SLIT3: variants seen among roughly 807,000 people sequenced by gnomAD.
SLIT3 encodes the protein slit guidance ligand 3.
Under a neutral mutation model 184.0 loss-of-function variants are expected in SLIT3, and 68 were observed. That is an observed-to-expected ratio of 0.37 (90% confidence interval 0.30 to 0.45). The LOEUF is 0.45. Ranked by LOEUF, SLIT3 falls within the 20% of genes least tolerant of loss-of-function variation. SLIT3 has a pLI of 1.00. For missense variants in SLIT3, 1,707 were observed against 2,026.0 expected (o/e 0.84, Z 3.02); for synonymous variants, 831 against 828.6 (o/e 1.00, Z -0.05).
intron 1 of SLIT3, among the ~76,000 whole-genome samples, chr5:169,264,275 C>A (rs888673670): frequency 6.6e-6 from 1 of 152,104 alleles, no homozygotes; most frequent in African/African-American, 2.4e-5. Flanking sequence ...CTCACTGCAA[C>A]CTCCACCTCC....
At chr5:168,744,109 G>A (rs538295048) in intron 20 of SLIT3, among the ~76,000 whole-genome samples, 20 of 152,304 alleles carry the variant, frequency 1.3e-4, no homozygotes, top group Non-Finnish European at 1.9e-4. Flanking sequence ...CTAACATGGT[G>A]TAACCCTGTC....
intron 21 of SLIT3, 94 bp downstream of exon 21, chr5:168,724,322 C>G: frequency 1.1e-6 from 1 of 931,560 alleles, no homozygotes; most frequent in South Asian, 1.9e-5. Context: ...CTTGCATCAG[C>G]CTGCAGCTCT....
chr5:168,971,901 CG>C (rs142503341), intron 4 of SLIT3, among the ~76,000 whole-genome samples: 61 of 152,296 alleles, frequency 4.0e-4, no homozygotes, highest in African/African-American at 1.4e-3. Flanking sequence ...GAGGCTACCT[CG>C]GGGAGCGAGA....
intron 4 of SLIT3, among the ~76,000 whole-genome samples, chr5:168,915,047 A>C (rs1005222463): frequency 1.3e-5 from 2 of 152,210 alleles, no homozygotes; most frequent in African/African-American, 2.4e-5. Context: ...GCAATACGTA[A>C]TCTGTCAAAA....
At chr5:169,244,949 G>A (rs887288546) in intron 2 of SLIT3, among the ~76,000 whole-genome samples, 173 bp from the exon 3 acceptor site, 8 of 152,172 alleles carry the variant, frequency 5.3e-5, no homozygotes, top group South Asian at 4.1e-4. Flanking sequence ...TTGGTGTCAC[G>A]GTAACCAGGG....
At chr5:168,967,540 C>T (rs1235051914) in intron 4 of SLIT3, among the ~76,000 whole-genome samples, 10 of 132,476 alleles carry the variant, frequency 7.5e-5, no homozygotes, top group Non-Finnish European at 1.5e-4. Flanking sequence ...CCCGGGTTCA[C>T]GCCATTCTCC....
intron 4 of SLIT3, among the ~76,000 whole-genome samples, chr5:168,986,206 A>G (rs78927776): frequency 0.036 from 5,469 of 152,232 alleles, 159 homozygotes; most frequent in African/African-American, 0.083. Context: ...ACAGTGCTAG[A>G]TGCTAAGTAG....
In SLIT3 at chr5:168,858,464, C is replaced by A; in HGVS notation, c.486-13809G>T. Among the ~76,000 whole-genome samples, 2 of 152,206 alleles carry A rather than the reference C, an allele frequency of 1.3e-5. 1 individual carries two copies. Among genetic ancestry groups the A allele is most frequent in the African/African-American group, 4.8e-5 (2 of 41,446 alleles). On this transcript the variant is annotated intron_variant, in intron 5 of 35. Transcript: ENST00000519560. ...AGCCTTGGTTTGGGGAAAGTAAGGTCCTTTCAAGTGAGACTTAGGGGGAAA... is the reference window on the plus strand; with the variant it reads ...AGCCTTGGTTTGGGGAAAGTAAGGTACTTTCAAGTGAGACTTAGGGGGAAA...
At chr5:168,954,013 T>C (rs1382760152) in intron 4 of SLIT3, among the ~76,000 whole-genome samples, 1 of 150,994 alleles carries the variant, frequency 6.6e-6, no homozygotes, top group Non-Finnish European at 1.5e-5. Flanking sequence ...AACTGAGACA[T>C]TTTACTTCAA....
chr5:168,977,495 C>T (rs975599417), intron 4 of SLIT3, among the ~76,000 whole-genome samples: 1 of 152,152 alleles, frequency 6.6e-6, no homozygotes, highest in African/African-American at 2.4e-5. Flanking sequence ...TCCAGATGCC[C>T]TACCTTGCTC....
chr5:169,229,772 A>T (rs1160366419), intron 3 of SLIT3, among the ~76,000 whole-genome samples: 1 of 152,124 alleles, frequency 6.6e-6, no homozygotes, highest in African/African-American at 2.4e-5. Flanking sequence ...CACTTCATAT[A>T]GGTAATCTCA....
At chr5:168,914,625 C>T (rs777007778) in intron 4 of SLIT3, among the ~76,000 whole-genome samples, 7 of 152,212 alleles carry the variant, frequency 4.6e-5, no homozygotes, top group Non-Finnish European at 8.8e-5. Context: ...CCACCATCAG[C>T]CAGTCCCTTC....
At chr5:168,884,427 T>TCACACACACACACA (rs59573859) in intron 4 of SLIT3, among the ~76,000 whole-genome samples, 1 of 144,262 alleles carries the variant, frequency 6.9e-6, no homozygotes, top group African/African-American at 2.6e-5. Flanking sequence ...TCTCTCTCTC[T>TCACACACACACACA]CACACACACA....
At chr5:168,944,486 C>T (rs1385710787) in intron 4 of SLIT3, among the ~76,000 whole-genome samples, 1 of 152,200 alleles carries the variant, frequency 6.6e-6, no homozygotes, top group African/African-American at 2.4e-5. Flanking sequence ...AATTTTGCAG[C>T]TGCTTGGGCA....
chr5:169,093,418 T>C (rs1237188704), intron 4 of SLIT3, among the ~76,000 whole-genome samples: 1 of 142,200 alleles, frequency 7.0e-6, no homozygotes, highest in African/African-American at 2.5e-5. Context: ...ATTCTTTCTA[T>C]CAATTTAACT....
intron 3 of SLIT3, among the ~76,000 whole-genome samples, chr5:169,196,370 C>T (rs944291790): frequency 2.0e-5 from 3 of 152,132 alleles, no homozygotes; most frequent in Admixed American, 1.3e-4. Flanking sequence ...AGCTATCTAG[C>T]CCTTTGGACC....
At chr5:168,731,315 C>A (rs1239089955) in intron 20 of SLIT3, among the ~76,000 whole-genome samples, 2 of 151,774 alleles carry the variant, frequency 1.3e-5, no homozygotes, top group African/African-American at 2.4e-5. Context: ...CCCTAAACTG[C>A]CACCAAAAAG....
chr5:168,729,162 T>C (rs1763221650), intron 20 of SLIT3, among the ~76,000 whole-genome samples: 1 of 151,978 alleles, frequency 6.6e-6, no homozygotes, highest in African/African-American at 2.4e-5. Flanking sequence ...GTGACCAAAC[T>C]TATGAATTGT....
chr5:168,773,114 G>C (rs1001280698), intron 13 of SLIT3, among the ~76,000 whole-genome samples, 170 bp from the exon 14 acceptor site: 2 of 152,132 alleles, frequency 1.3e-5, no homozygotes, highest in Admixed American at 1.3e-4. Flanking sequence ...TCAAAGAGGG[G>C]GTCTGAGGCC....
Sources: allele counts gnomAD v4.1 joint callset (sites outside exome capture counted in the v4.1 genomes callset), GRCh38; gene constraint gnomAD v4.1.1; transcripts MANE v1.5; gene names NCBI Gene and HGNC (gene_info 2026-07-23, HGNC 2026-07-21).